THSD7B: variants seen among roughly 807,000 people sequenced by gnomAD.
The protein encoded by THSD7B is thrombospondin type 1 domain containing 7B.
THSD7B carries 138 observed loss-of-function variants against 213.6 expected under a neutral mutation model. The observed-to-expected ratio is 0.65, with a 90% CI of 0.56 to 0.74. THSD7B has a LOEUF of 0.74. THSD7B is among the 30% of genes least tolerant of loss of function. The pLI, the probability that THSD7B is intolerant of heterozygous loss-of-function variation, is 0.00. For synonymous variants in THSD7B, 742 were observed against 687.0 expected (o/e 1.08, Z -1.25); for missense variants, 1,931 against 1,991.5 (o/e 0.97, Z 0.58).
chr2:137,163,417 A>T (rs1680057242), intron 6 of THSD7B, among the ~76,000 whole-genome samples: 1 of 152,184 alleles, frequency 6.6e-6, no homozygotes, highest in South Asian at 2.1e-4. Flanking sequence ...AGAAGAGGAA[A>T]ATTTGGGCAT....
chr2:137,280,257 A>G (rs1217310270), intron 12 of THSD7B, among the ~76,000 whole-genome samples: 2 of 152,076 alleles, frequency 1.3e-5, no homozygotes, highest in Non-Finnish European at 1.5e-5. Context: ...TTGGGATGAA[A>G]TTTGTCTTGT....
chr2:137,289,244 GT>G (rs1396658820), intron 12 of THSD7B, among the ~76,000 whole-genome samples: 1 of 150,930 alleles, frequency 6.6e-6, no homozygotes, highest in Non-Finnish European at 1.5e-5. Context: ...AAGAAGGGGA[GT>G]TTTTGTGACC....
At chr2:137,190,110 A>G (rs1268568122) in intron 7 of THSD7B, among the ~76,000 whole-genome samples, 5 of 152,164 alleles carry the variant, frequency 3.3e-5, no homozygotes, top group Non-Finnish European at 7.4e-5. Flanking sequence ...TAAGGCTTGG[A>G]AGGTCTAGAT....
At chr2:137,530,895 G>A (rs1214139582) in intron 15 of THSD7B, among the ~76,000 whole-genome samples, 1 of 151,918 alleles carries the variant, frequency 6.6e-6, no homozygotes, top group Non-Finnish European at 1.5e-5. Context: ...AGGAGTGCAG[G>A]CATCATTGGT....
At chr2:136,793,979 T>G (rs984759471) in intron 1 of THSD7B, among the ~76,000 whole-genome samples, 3 of 151,836 alleles carry the variant, frequency 2.0e-5, no homozygotes, top group African/African-American at 7.2e-5. Flanking sequence ...GTGTTTTTTT[T>G]GTGAATGTAT....
At chr2:137,403,868 A>G (rs1246277578) in intron 12 of THSD7B, among the ~76,000 whole-genome samples, 1 of 152,208 alleles carries the variant, frequency 6.6e-6, no homozygotes, top group Non-Finnish European at 1.5e-5. Context: ...TCTAATGGGT[A>G]GAGGCCAGAG....
intron 12 of THSD7B, among the ~76,000 whole-genome samples, chr2:137,346,574 C>G (rs527594954): frequency 1.3e-5 from 2 of 151,712 alleles, no homozygotes; most frequent in African/African-American, 4.8e-5. Flanking sequence ...ATTATTTTCT[C>G]AAATTATTTT....
Position 137,064,669 on chromosome 2 carries a change from A to C in THSD7B, c.950+7439A>C, listed in dbSNP as rs1295276107. Among the ~76,000 whole-genome samples the C allele has an allele frequency of 1.3e-5, 2 of 151,630 alleles. 1 individual carries two copies. The highest frequency in any genetic ancestry group is 2.9e-5 in the Non-Finnish European group (2 of 67,864). On this transcript the variant is annotated intron_variant, in intron 3 of 27. Transcript: ENST00000409968. ...TCTTGGGTTTAATTCTTTAATTTTT[A>C]TTTGATTTTTTTGTATGGTGAGACA... is the stretch of plus-strand genomic sequence containing the variant.
Position 136,882,123 on chromosome 2 carries a change from AT to A in THSD7B, c.-35-16del. ...TTTCTTTACAGAAGAAACTTACCTGATTTTTCTTTTTCTCTTTTAGGAATAG... is the reference window on the plus strand; with the variant it reads ...TTTCTTTACAGAAGAAACTTACCTGATTTTCTTTTTCTCTTTTAGGAATAG... On this transcript the variant is annotated intron_variant, in intron 1 of 27. Transcript: ENST00000409968. 1 of 1,422,208 alleles carries A rather than the reference AT, an allele frequency of 7.0e-7. No individual in the cohort carries two copies. Among genetic ancestry groups the A allele is most frequent in the East Asian group, 2.7e-5 (1 of 36,490 alleles). 88.1% of individuals were successfully genotyped at this position (1,422,208 alleles called of 1,614,324 possible). A position where few individuals can be genotyped will look rare whatever the true frequency, so the allele number is the denominator to read the frequency against.
chr2:137,272,685 T>G lies in THSD7B; in HGVS notation c.2396+23T>G, dbSNP rs763193064. 6 of 1,606,818 alleles carry G rather than the reference T, an allele frequency of 3.7e-6. No individual in the cohort carries two copies. In the South Asian group the frequency reaches 5.6e-5, roughly 15 times the overall value. The stretch of plus-strand genomic sequence containing the variant: ...TCGGCAAGTAGTTACCTTTTAAAAT[T>G]ATCGTTAGACCTACTGTAAATTATA... On this transcript the variant is annotated intron_variant, in intron 11 of 27. Coordinates refer to ENST00000409968, the MANE Select transcript of THSD7B (RefSeq NM_001316349.2).
chr2:136,937,312 A>T (rs61175515), intron 2 of THSD7B, among the ~76,000 whole-genome samples: 11,166 of 151,316 alleles, frequency 0.074, 659 homozygotes, highest in African/African-American at 0.16. Context: ...CTCACCTCTT[A>T]CTTGCTAACT....
chr2:136,932,263 A>C (rs1023688134), intron 2 of THSD7B, among the ~76,000 whole-genome samples: 1 of 152,222 alleles, frequency 6.6e-6, no homozygotes, highest in Admixed American at 6.5e-5. Context: ...TTCCTAAGGA[A>C]ATTTTACTAA....
chr2:137,474,136 T>G (rs1688148679), intron 15 of THSD7B, among the ~76,000 whole-genome samples: 1 of 152,226 alleles, frequency 6.6e-6, no homozygotes, highest in Non-Finnish European at 1.5e-5. Flanking sequence ...GTATGTACAA[T>G]GTATTTGTAC....
chr2:137,518,642 A>G (rs1469673443), intron 15 of THSD7B, among the ~76,000 whole-genome samples: 1 of 152,162 alleles, frequency 6.6e-6, no homozygotes, highest in Non-Finnish European at 1.5e-5. Flanking sequence ...AGTGGATAGG[A>G]TGACCTGTTC....
chr2:137,101,145 C>A (rs1688142396), intron 4 of THSD7B, among the ~76,000 whole-genome samples: 1 of 152,148 alleles, frequency 6.6e-6, no homozygotes, highest in Non-Finnish European at 1.5e-5. Flanking sequence ...TGAGGTGATT[C>A]TCCCACCTCA....
chr2:137,343,923 G>A (rs959651571), intron 12 of THSD7B, among the ~76,000 whole-genome samples: 4 of 151,832 alleles, frequency 2.6e-5, no homozygotes, highest in African/African-American at 7.2e-5. Flanking sequence ...TGTGAAGGAA[G>A]CACTAATCTC....
In THSD7B at chr2:136,954,740, T is replaced by TAAAAAAAAAAAAAAAAAAAAAAAAAG. The variant is rs773677139; in HGVS notation, c.139+72424_139+72425insAAAAAAAAAAAAAAAAAAAAAAAAGA. 9.5e-5 allele frequency among the ~76,000 whole-genome samples: 13 copies of TAAAAAAAAAAAAAAAAAAAAAAAAAG among 137,484 alleles called. 1 individual carries two copies. The highest frequency in any genetic ancestry group is 3.7e-4 in the African/African-American group (12 of 32,330). 90.2% of individuals were successfully genotyped at this position (137,484 alleles called of 152,430 possible). A position where few individuals can be genotyped will look rare whatever the true frequency, so the allele number is the denominator to read the frequency against. On this transcript the variant is annotated intron_variant, in intron 2 of 27. Coordinates refer to ENST00000409968, the MANE Select transcript of THSD7B (RefSeq NM_001316349.2). ...AAAAAAAAAAAAAAAAAAAAGAAAT[T>TAAAAAAAAAAAAAAAAAAAAAAAAAG]ACATAAGAGCTTTTATACTGTTTAT...
chr2:136,864,340 G>T (rs1652435), intron 1 of THSD7B, among the ~76,000 whole-genome samples: 109,565 of 151,986 alleles, frequency 0.72, 39,871 homozygotes, highest in Middle Eastern at 0.82. Flanking sequence ...GAATTACACA[G>T]CCTGAATAAA....
intron 2 of THSD7B, among the ~76,000 whole-genome samples, chr2:137,030,691 T>A (rs1417587306): frequency 2.0e-5 from 3 of 152,138 alleles, no homozygotes; most frequent in Admixed American, 1.3e-4. Flanking sequence ...GAGAGCCGCA[T>A]GTTCTCACTT....
Sources: allele counts gnomAD v4.1 joint callset (sites outside exome capture counted in the v4.1 genomes callset), GRCh38; gene constraint gnomAD v4.1.1; transcripts MANE v1.5; gene names NCBI Gene and HGNC (gene_info 2026-07-23, HGNC 2026-07-21).